The following KIAA0825 variants were observed in gnomAD, a reference collection of about 807,000 sequenced individuals.
The protein encoded by KIAA0825 is uncharacterized protein KIAA0825.
KIAA0825 carries 119 observed loss-of-function variants against 147.6 expected under a neutral mutation model. That is an observed-to-expected ratio of 0.81 (90% CI 0.69 to 0.94). The LOEUF is 0.94. Among genes scored for constraint, KIAA0825 ranks in the 40% least tolerant of loss-of-function variants. The probability of loss-of-function intolerance (pLI) is 0.00; values close to 1 mark genes in which losing one functional copy is unlikely to be tolerated. For synonymous variants in KIAA0825, 470 were observed against 518.1 expected (o/e 0.91, Z 1.26); for missense variants, 1,381 against 1,472.7 (o/e 0.94, Z 1.02).
intron 20 of KIAA0825, among the ~76,000 whole-genome samples, chr5:94,289,820 A>G: frequency 6.6e-6 from 1 of 151,836 alleles, no homozygotes; most frequent in East Asian, 1.9e-4. Flanking sequence ...CAGGAAGATC[A>G]CTTGAGCCCA....
chr5:94,406,206 T>G (rs1449702313), intron 15 of KIAA0825, among the ~76,000 whole-genome samples: 1 of 152,182 alleles, frequency 6.6e-6, no homozygotes, highest in Non-Finnish European at 1.5e-5. Context: ...ATTACAGGCG[T>G]GAGCCACTGA....
chr5:94,537,710 T>C (rs1188998391), intron 2 of KIAA0825, among the ~76,000 whole-genome samples: 3 of 147,940 alleles, frequency 2.0e-5, no homozygotes, highest in Non-Finnish European at 4.5e-5. Context: ...TACTTAAGCA[T>C]CCTGCAGCTT....
At position 94,321,196 on chromosome 5, in the gene KIAA0825, G is replaced by C. The variant is rs140416586; in HGVS notation, c.3710+63172C>G. 2.2e-3 allele frequency among the ~76,000 whole-genome samples: 342 copies of C among 152,036 alleles called. 1 individual carries two copies. Among genetic ancestry groups the C allele is most frequent in the African/African-American group, 8.1e-3 (338 of 41,506 alleles). On this transcript the variant is annotated intron_variant, in intron 20 of 20. Coordinates refer to ENST00000682413, the MANE Select transcript of KIAA0825 (RefSeq NM_001145678.3). Reference sequence around the variant, plus strand: ...GGGTAAGGAGTTCATTTATTTTAATGGGTTAAATACCCCAAGGTCATTGGC... The same window carrying C: ...GGGTAAGGAGTTCATTTATTTTAATCGGTTAAATACCCCAAGGTCATTGGC...
chr5:94,244,640 G>C (rs1353852123), intron 20 of KIAA0825, among the ~76,000 whole-genome samples: 1 of 152,096 alleles, frequency 6.6e-6, no homozygotes, highest in Admixed American at 6.5e-5. Flanking sequence ...CACTTACTGT[G>C]ACCTTTGGCA....
chr5:94,206,933 A>G (rs1583849756), intron 20 of KIAA0825, among the ~76,000 whole-genome samples: 2 of 152,286 alleles, frequency 1.3e-5, no homozygotes, highest in African/African-American at 4.8e-5. Context: ...TCTATAGACA[A>G]TACCACATTG....
intron 20 of KIAA0825, among the ~76,000 whole-genome samples, chr5:94,284,068 A>G (rs1220706586): frequency 2.0e-5 from 3 of 152,164 alleles, no homozygotes; most frequent in Non-Finnish European, 2.9e-5. Flanking sequence ...ATTTAAAACT[A>G]TCCTCTCAAA....
At chr5:94,171,593 C>A (rs1446776518) in intron 20 of KIAA0825, among the ~76,000 whole-genome samples, 3 of 152,048 alleles carry the variant, frequency 2.0e-5, no homozygotes, top group Non-Finnish European at 4.4e-5. Flanking sequence ...AAGTGAATGA[C>A]CCATCTTCAG....
chr5:94,417,196 C>G lies in KIAA0825; in HGVS notation c.2662+5G>C. ...TTTCTTTTACAAACAGTAAATGTCT[C>G]ATACCTGGGATGTTATATAAAAAGT... is the stretch of plus-strand genomic sequence containing the variant. On this transcript the variant is annotated splice_donor_5th_base_variant and intron_variant, in intron 15 of 20. Transcript: ENST00000682413. The G allele has an allele frequency of 2.6e-6, 4 of 1,549,704 alleles. No individual in the cohort carries two copies. The highest frequency in any genetic ancestry group is 3.5e-6 in the Non-Finnish European group (4 of 1,145,644).
intron 18 of KIAA0825, among the ~76,000 whole-genome samples, chr5:94,388,090 GGAGTATGGTTTTAGGAT>G (rs777789389): frequency 6.6e-6 from 1 of 152,112 alleles, no homozygotes; most frequent in Non-Finnish European, 1.5e-5. Context: ...GTGGGGAGGG[GGAGTATGGTTTTAGGAT>G]GAAACTGTTC....
intron 13 of KIAA0825, among the ~76,000 whole-genome samples, chr5:94,445,474 T>C (rs1020286694): frequency 6.6e-6 from 1 of 152,176 alleles, no homozygotes; most frequent in African/African-American, 2.4e-5. Flanking sequence ...TTGGACTACA[T>C]GCTGTCTTCA....
intron 20 of KIAA0825, among the ~76,000 whole-genome samples, chr5:94,308,997 T>A (rs969223706): frequency 6.6e-6 from 1 of 151,826 alleles, no homozygotes; most frequent in Non-Finnish European, 1.5e-5. Context: ...TGCTTTTCTT[T>A]AGTCATATTC....
intron 20 of KIAA0825, among the ~76,000 whole-genome samples, chr5:94,263,729 C>T (rs1166707830): frequency 2.6e-5 from 4 of 152,000 alleles, no homozygotes; most frequent in South Asian, 4.1e-4. Flanking sequence ...TTCCAAATTG[C>T]TCTCTTTTTA....
intron 11 of KIAA0825, among the ~76,000 whole-genome samples, chr5:94,463,665 A>AACT (rs1470357526): frequency 1.3e-5 from 2 of 151,590 alleles, no homozygotes; most frequent in African/African-American, 2.4e-5. Context: ...TAAAAACTAG[A>AACT]AGCAATAATT....
chr5:94,412,589 C>T (rs910227183), intron 15 of KIAA0825, among the ~76,000 whole-genome samples: 8 of 151,736 alleles, frequency 5.3e-5, no homozygotes, highest in Admixed American at 3.3e-4. Context: ...TTAGTAGAGA[C>T]GGGGTTTCAC....
rs186201785 is a variant in KIAA0825, at chr5:94,195,229, C to G, written c.3711-41105G>C. Reference sequence around the variant, plus strand: ...ATCTGGGTTATAGTTAAATCCTATTCCAAACAAGATAAGGCAGAAATAAAT... The same window carrying G: ...ATCTGGGTTATAGTTAAATCCTATTGCAAACAAGATAAGGCAGAAATAAAT... On this transcript the variant is annotated intron_variant, in intron 20 of 20. Transcript: ENST00000682413. 1.4e-3 allele frequency among the ~76,000 whole-genome samples: 214 copies of G among 152,198 alleles called. 1 individual carries two copies. The highest frequency in any genetic ancestry group is 4.6e-3 in the African/African-American group (192 of 41,520).
chr5:94,449,167 A>C (rs1279500293), intron 13 of KIAA0825, among the ~76,000 whole-genome samples: 4 of 152,180 alleles, frequency 2.6e-5, no homozygotes, highest in Non-Finnish European at 2.9e-5. Flanking sequence ...AATATTAAAA[A>C]TATGGAATAA....
intron 5 of KIAA0825, among the ~76,000 whole-genome samples, chr5:94,511,340 G>A (rs546748239): frequency 6.6e-6 from 1 of 152,346 alleles, no homozygotes; most frequent in South Asian, 2.1e-4. Flanking sequence ...GTGAAGATGG[G>A]CCAGGCGTGG....
At chr5:94,433,099 T>C (rs1298244569) in intron 14 of KIAA0825, among the ~76,000 whole-genome samples, 1 of 152,200 alleles carries the variant, frequency 6.6e-6, no homozygotes, top group Non-Finnish European at 1.5e-5. Context: ...AGTGGCGCAA[T>C]CTCGGTTCAC....
chr5:94,328,595 C>T (rs1780941945), intron 20 of KIAA0825, among the ~76,000 whole-genome samples: 1 of 151,896 alleles, frequency 6.6e-6, no homozygotes, highest in Non-Finnish European at 1.5e-5. Flanking sequence ...GTCATATGAT[C>T]AATTTTTACT....
Sources: allele counts gnomAD v4.1 joint callset (sites outside exome capture counted in the v4.1 genomes callset), GRCh38; gene constraint gnomAD v4.1.1; transcripts MANE v1.5; gene names NCBI Gene and HGNC (gene_info 2026-07-23, HGNC 2026-07-21).